PTPRN2: variants seen among roughly 807,000 people sequenced by gnomAD.
PTPRN2 encodes the protein protein tyrosine phosphatase receptor type N2.
PTPRN2 carries 74 observed loss-of-function variants against 118.8 expected under a neutral mutation model. The observed-to-expected ratio is 0.62, with a 90% CI of 0.52 to 0.76. The LOEUF is 0.76. PTPRN2 is among the 30% of genes least tolerant of loss of function. The probability of loss-of-function intolerance (pLI) is 0.00; values close to 1 mark genes in which losing one functional copy is unlikely to be tolerated. For synonymous variants in PTPRN2, 641 were observed against 608.0 expected (o/e 1.05, Z -0.80); for missense variants, 1,481 against 1,394.4 (o/e 1.06, Z -0.99).
chr7:158,495,262 A>AT (rs1175864490), intron 1 of PTPRN2, among the ~76,000 whole-genome samples: 2 of 152,116 alleles, frequency 1.3e-5, no homozygotes, highest in Admixed American at 6.5e-5. Flanking sequence ...GTTAAATCAC[A>AT]TTTTTTCCTA....
intron 12 of PTPRN2, among the ~76,000 whole-genome samples, chr7:157,734,715 T>C (rs1800198218): frequency 6.6e-6 from 1 of 152,202 alleles, no homozygotes; most frequent in East Asian, 1.9e-4. Flanking sequence ...GCCATTCTCA[T>C]TTGGCTTCGA....
rs1009300887 is a variant in PTPRN2, at chr7:158,147,777, T to A, written c.911-9262A>T. Among the ~76,000 whole-genome samples, 741 of 90,140 alleles carry A rather than the reference T, an allele frequency of 8.2e-3. 31 individuals carry two copies. The highest frequency in any genetic ancestry group is 0.017 in the East Asian group (46 of 2,760). The allele number at this position is 90,140 out of a possible 152,430, so 59.1% of individuals were successfully genotyped here. On this transcript the variant is annotated intron_variant, in intron 6 of 22. Transcript: ENST00000389418. The stretch of plus-strand genomic sequence containing the variant: ...ATGACACCCCACCTCACGCCACGTG[T>A]TATTCCCCCTCACTGACACCCCATT...
chr7:158,270,963 T>TCACCTGGACCGCCCCC, intron 3 of PTPRN2, among the ~76,000 whole-genome samples: 1 of 3,494 alleles, frequency 2.9e-4, no homozygotes, highest in Non-Finnish European at 4.7e-4. Context: ...GGACCACCCC[T>TCACCTGGACCGCCCCC]CCACCTGGAC....
intron 9 of PTPRN2, among the ~76,000 whole-genome samples, chr7:158,122,707 A>G (rs912463954): frequency 6.6e-6 from 1 of 152,228 alleles, no homozygotes; most frequent in African/African-American, 2.4e-5. Context: ...GGCTAGAGAA[A>G]CTAAAGTCAT....
At chr7:158,321,346 A>G (rs4145753) in intron 2 of PTPRN2, among the ~76,000 whole-genome samples, 145,087 of 152,204 alleles carry the variant, frequency 0.95, 69,192 homozygotes, top group Non-Finnish European at 0.96. Context: ...CTTGGGACAC[A>G]GCCAGGACCC....
chr7:158,013,004 G>T (rs1806154917), intron 11 of PTPRN2, among the ~76,000 whole-genome samples: 1 of 152,190 alleles, frequency 6.6e-6, no homozygotes, highest in Admixed American at 6.5e-5. Context: ...ATTTAGAAAA[G>T]TTCATGTGCC....
chr7:158,402,269 C>T (rs1813002907), intron 2 of PTPRN2, among the ~76,000 whole-genome samples: 1 of 152,144 alleles, frequency 6.6e-6, no homozygotes, highest in South Asian at 2.1e-4. Context: ...GAGCTGTCCA[C>T]GGCACTAGGA....
intron 14 of PTPRN2, among the ~76,000 whole-genome samples, chr7:157,646,306 A>G (rs547895345): frequency 6.6e-6 from 1 of 152,222 alleles, no homozygotes; most frequent in East Asian, 1.9e-4. Context: ...GATAGTGAGC[A>G]GGCTTTCCTG....
At chr7:158,112,796 G>T (rs1044110633) in intron 9 of PTPRN2, among the ~76,000 whole-genome samples, 3 of 152,018 alleles carry the variant, frequency 2.0e-5, no homozygotes, top group Non-Finnish European at 2.9e-5. Context: ...GCCCCAGCAG[G>T]GTGCCCAGGC....
At chr7:158,523,628 A>AGCGGAG (rs765226511) in intron 1 of PTPRN2, among the ~76,000 whole-genome samples, 2 of 13,988 alleles carry the variant, frequency 1.4e-4, no homozygotes, top group Non-Finnish European at 2.6e-4. Flanking sequence ...GAGTGGAGTC[A>AGCGGAG]TCTGCCCTGG....
chr7:158,262,378 TAC>T (rs796842008), intron 3 of PTPRN2, among the ~76,000 whole-genome samples: 4 of 124,402 alleles, frequency 3.2e-5, no homozygotes, highest in Admixed American at 8.1e-5. Context: ...TGCACACACA[TAC>T]ACACATTCAC....
intron 11 of PTPRN2, among the ~76,000 whole-genome samples, chr7:157,999,318 A>G (rs1563315018): frequency 6.6e-6 from 1 of 152,152 alleles, no homozygotes; most frequent in South Asian, 2.1e-4. Context: ...CGTTTTCACA[A>G]CTCAGCTCCC....
chr7:157,949,620 T>C (rs927075408), intron 11 of PTPRN2, among the ~76,000 whole-genome samples: 3 of 152,232 alleles, frequency 2.0e-5, no homozygotes, highest in Non-Finnish European at 4.4e-5. Context: ...CAGTCTCAGG[T>C]ATTTCTTCAT....
intron 2 of PTPRN2, among the ~76,000 whole-genome samples, chr7:158,334,334 ACTCACACCCACACT>A (rs1201298622): frequency 2.0e-5 from 1 of 50,062 alleles, no homozygotes. Flanking sequence ...CCCACACGTC[ACTCACACCCACACT>A]CTCACCATAA....
intron 2 of PTPRN2, among the ~76,000 whole-genome samples, chr7:158,373,998 G>A (rs2151325200): frequency 6.6e-6 from 1 of 152,344 alleles, no homozygotes; most frequent in East Asian, 1.9e-4. Context: ...GGCCCTGAGG[G>A]AAACGGGCAG....
rs1269726750 is a variant in PTPRN2, at chr7:157,539,221, T to A, written c.*1493A>T. Reference sequence around the variant, plus strand: ...AAATTCCAGATAGAGAGAAGTAATTTTGGAAAAGAAATGATAGCTATATTA... The same window carrying A: ...AAATTCCAGATAGAGAGAAGTAATTATGGAAAAGAAATGATAGCTATATTA... On this transcript the variant is annotated 3_prime_UTR_variant, in exon 23 of 23. Transcript: ENST00000389418. The A allele has an allele frequency of 6.6e-6, 1 of 152,206 alleles. No individual in the cohort carries two copies. Among genetic ancestry groups the A allele is most frequent in the Non-Finnish European group, 1.5e-5 (1 of 68,034 alleles). 9.4% of individuals were successfully genotyped at this position (152,206 alleles called of 1,614,324 possible). A position where few individuals can be genotyped will look rare whatever the true frequency, so the allele number is the denominator to read the frequency against.
rs116013714 is a variant in PTPRN2, at chr7:158,437,648, C to T, written c.163+52087G>A. Reference sequence around the variant, plus strand: ...CCTCACACCTATGGCATGACCCATCCGGGGCTGGGACCTGGGATGTGTGCG... The same window carrying T: ...CCTCACACCTATGGCATGACCCATCTGGGGCTGGGACCTGGGATGTGTGCG... On this transcript the variant is annotated intron_variant, in intron 2 of 22. Transcript: ENST00000389418. Among the ~76,000 whole-genome samples, 335 of 152,288 alleles carry T rather than the reference C, an allele frequency of 2.2e-3. 1 individual carries two copies. The highest frequency in any genetic ancestry group is 7.6e-3 in the African/African-American group (315 of 41,574).
At chr7:157,998,615 G>A (rs1804966446) in intron 11 of PTPRN2, among the ~76,000 whole-genome samples, 1 of 152,154 alleles carries the variant, frequency 6.6e-6, no homozygotes, top group South Asian at 2.1e-4. Flanking sequence ...CTGAAGTCAG[G>A]AGATCGAGAC....
chr7:157,699,517 C>T lies in PTPRN2; in HGVS notation c.1789-16580G>A, dbSNP rs192103657. On this transcript the variant is annotated intron_variant, in intron 12 of 22. Transcript: ENST00000389418. ...GGCGTGATCCTGGCTCACTGCCAAC[C>T]GCCGACACCCAGGTTCAAATGATTC... is the stretch of plus-strand genomic sequence containing the variant. 2.9e-3 allele frequency among the ~76,000 whole-genome samples: 446 copies of T among 152,250 alleles called. 2 individuals carry two copies. The highest frequency in any genetic ancestry group is 0.01 in the African/African-American group (430 of 41,556).
Sources: gnomAD v4.1 joint callset for allele counts (sites outside exome capture counted in the v4.1 genomes callset) on GRCh38, gnomAD v4.1.1 for gene constraint, MANE v1.5 for transcripts, NCBI Gene and HGNC (gene_info 2026-07-23, HGNC 2026-07-21) for gene names.